CUX1: variants seen among roughly 807,000 people sequenced by gnomAD.
CUX1 encodes cut like homeobox 1.
Under a neutral mutation model 158.8 loss-of-function variants are expected in CUX1, and 31 were observed. That is an observed-to-expected ratio of 0.20 (90% CI 0.15 to 0.26). CUX1 has a LOEUF of 0.26. CUX1 is among the 10% of genes least tolerant of loss of function. The pLI, the probability that CUX1 is intolerant of heterozygous loss-of-function variation, is 1.00. For missense variants in CUX1, 1,589 were observed against 2,014.6 expected, an observed-to-expected ratio of 0.79 and a Z score of 4.04; for synonymous variants, 879 against 862.1, an observed-to-expected ratio of 1.02 and a Z score of -0.34.
chr7:102,076,435 A>G (rs558317142), intron 4 of CUX1, among the ~76,000 whole-genome samples: 245 of 152,208 alleles, frequency 1.6e-3, no homozygotes, highest in Non-Finnish European at 2.8e-3. Context: ...TTAGCAATAC[A>G]GTAGCATTGA....
rs1455849379 is a variant in CUX1 at position 102,255,841 on chromosome 7, T to A, written c.*6799T>A. 4.0e-5 allele frequency: 39 copies of A among 979,090 alleles called. No homozygotes were observed. Among genetic ancestry groups the A allele is most frequent in the Non-Finnish European group, 4.6e-5 (38 of 824,910 alleles). 60.7% of individuals were successfully genotyped at this position (979,090 alleles called of 1,614,324 possible). On this transcript the variant is annotated 3_prime_UTR_variant, in exon 24 of 24. Coordinates refer to ENST00000292535, the MANE Select transcript of CUX1 (RefSeq NM_181552.4). The stretch of plus-strand genomic sequence containing the variant: ...CTTCTTCTTTTTTATTATTTTATTA[T>A]TTTTTTTGTACTTTGCTTTAAACGG...
rs1456759475 is a variant in CUX1 at position 102,250,070 on chromosome 7, A to G, written c.*1028A>G. Reference sequence around the variant, plus strand: ...AAAAAAAGAAAAAAAAAGAAAAAAAAAAAAGAAAAGATCCGAATCTAGGTA... The same window carrying G: ...AAAAAAAGAAAAAAAAAGAAAAAAAGAAAAGAAAAGATCCGAATCTAGGTA... On this transcript the variant is annotated 3_prime_UTR_variant, in exon 24 of 24. Transcript: ENST00000292535. 2.7e-5 allele frequency: 27 copies of G among 985,094 alleles called. No homozygotes were observed. The highest frequency in any genetic ancestry group is 5.2e-5 in the African/African-American group (3 of 57,206). 61.0% of individuals were successfully genotyped at this position (985,094 alleles called of 1,614,324 possible).
At chr7:102,192,308 G>A (rs1794363344) in intron 12 of CUX1, among the ~76,000 whole-genome samples, 1 of 152,096 alleles carries the variant, frequency 6.6e-6, no homozygotes, top group Non-Finnish European at 1.5e-5. Flanking sequence ...TCCTGCTGGG[G>A]TCCTCACAAG....
At chr7:101,816,405 G>GCGC (rs970722250), upstream of CUX1, among the ~76,000 whole-genome samples, 36 of 142,002 alleles carry the variant, frequency 2.5e-4, no homozygotes, top group East Asian at 1.3e-3. Flanking sequence ...CCCGGGCCCC[G>GCGC]CGCCGCCGCC....
At chr7:101,831,235 C>G (rs1275466575) in intron 1 of CUX1, among the ~76,000 whole-genome samples, 1 of 151,848 alleles carries the variant, frequency 6.6e-6, no homozygotes, top group African/African-American at 2.4e-5. Flanking sequence ...GGGCAGCATT[C>G]TAGCATAGGG....
chr7:102,216,586 ACACACACACTCC>A (rs1797125243), intron 20 of CUX1, among the ~76,000 whole-genome samples: 5 of 49,866 alleles, frequency 1.0e-4, no homozygotes, highest in Admixed American at 2.8e-4. Flanking sequence ...ACACTCTCCC[ACACACACACTCC>A]CACACACACA....
chr7:101,948,182 TG>T (rs1808620149), intron 2 of CUX1, among the ~76,000 whole-genome samples: 1 of 152,240 alleles, frequency 6.6e-6, no homozygotes, highest in South Asian at 2.1e-4. Flanking sequence ...TCTGCTAATT[TG>T]AAATGGCAAG....
At chr7:102,143,983 T>C (rs1234258467) in intron 8 of CUX1, among the ~76,000 whole-genome samples, 1 of 151,978 alleles carries the variant, frequency 6.6e-6, no homozygotes, top group Non-Finnish European at 1.5e-5. Context: ...GCCTTTACCA[T>C]GTTGGCCAGG....
intron 4 of CUX1, among the ~76,000 whole-genome samples, chr7:102,075,940 G>A (rs1432469472): frequency 1.3e-5 from 2 of 152,086 alleles, no homozygotes; most frequent in African/African-American, 2.4e-5. Context: ...TTTACCAGAC[G>A]TCCCGCCGGC....
At position 102,045,139 on chromosome 7, in the gene CUX1, C is replaced by T. The variant is rs190801687; in HGVS notation, c.189+16994C>T. Reference sequence around the variant, plus strand: ...CGCCATGATGGCTCAATTAGGGACCCGTCGGACTGCGGCTCAACATCCAGG... The same window carrying T: ...CGCCATGATGGCTCAATTAGGGACCTGTCGGACTGCGGCTCAACATCCAGG... On this transcript the variant is annotated intron_variant, in intron 3 of 23. Coordinates refer to ENST00000292535, the MANE Select transcript of CUX1 (RefSeq NM_181552.4). 1.7e-3 allele frequency among the ~76,000 whole-genome samples: 263 copies of T among 152,298 alleles called. 1 individual carries two copies. Among genetic ancestry groups the T allele is most frequent in the African/African-American group, 6.2e-3 (258 of 41,560 alleles).
chr7:102,228,928 C>G (rs1554529649), intron 21 of CUX1, among the ~76,000 whole-genome samples: 1 of 152,214 alleles, frequency 6.6e-6, no homozygotes, highest in African/African-American at 2.4e-5. Flanking sequence ...ACTCTGCTCA[C>G]TGAGTCCGTG....
At chr7:102,122,409 T>C (rs1832143529) in intron 8 of CUX1, among the ~76,000 whole-genome samples, 1 of 151,920 alleles carries the variant, frequency 6.6e-6, no homozygotes, top group African/African-American at 2.4e-5. Flanking sequence ...TCTTCCTGTG[T>C]CTTATCTCCA....
chr7:102,112,085 A>G (rs1167828209), intron 7 of CUX1: 1 of 209,332 alleles, frequency 4.8e-6, no homozygotes, highest in East Asian at 9.2e-5. Context: ...AAGGACTGAC[A>G]TTTCATTTGG....
At chr7:102,216,532 CCCCACACACACACA>C (rs1227020421) in intron 20 of CUX1, among the ~76,000 whole-genome samples, 2 of 88,374 alleles carry the variant, frequency 2.3e-5, no homozygotes, top group African/African-American at 4.5e-5. Context: ...ACACTCTCCC[CCCCACACACACACA>C]CCCACACACG....
At chr7:102,046,761 T>G (rs527864418) in intron 3 of CUX1, among the ~76,000 whole-genome samples, 23 of 151,810 alleles carry the variant, frequency 1.5e-4, no homozygotes, top group African/African-American at 5.6e-4. Flanking sequence ...ATTTTTTTTT[T>G]GAAGAGATGA....
At chr7:101,860,963 G>A (rs1797392634) in intron 1 of CUX1, among the ~76,000 whole-genome samples, 1 of 152,064 alleles carries the variant, frequency 6.6e-6, no homozygotes, top group Non-Finnish European at 1.5e-5. Context: ...GCAACACCAT[G>A]CCTGGCTAAT....
intron 9 of CUX1, among the ~76,000 whole-genome samples, chr7:102,158,836 C>T (rs1453440071): frequency 2.6e-5 from 4 of 152,248 alleles, no homozygotes; most frequent in African/African-American, 9.6e-5. Flanking sequence ...ACATCTCAGA[C>T]ATCCCATGGT....
At chr7:101,841,135 C>T (rs1016131284) in intron 1 of CUX1, among the ~76,000 whole-genome samples, 2 of 151,996 alleles carry the variant, frequency 1.3e-5, no homozygotes, top group South Asian at 2.1e-4. Context: ...CTTTGTGATC[C>T]GCCCGCCTCG....
intron 2 of CUX1, among the ~76,000 whole-genome samples, chr7:101,927,557 G>C (rs997031537): frequency 2.0e-5 from 3 of 152,144 alleles, no homozygotes; most frequent in Non-Finnish European, 4.4e-5. Context: ...GGCTGAGGTA[G>C]GAGGATCCCT....
Sources: gnomAD v4.1 joint callset for allele counts (sites outside exome capture counted in the v4.1 genomes callset) on GRCh38, gnomAD v4.1.1 for gene constraint, MANE v1.5 for transcripts, NCBI Gene and HGNC (gene_info 2026-07-23, HGNC 2026-07-21) for gene names.